UBE2E2: variants seen among roughly 807,000 people sequenced by gnomAD.
UBE2E2 encodes the protein ubiquitin conjugating enzyme E2 E2, also known as ubiquitin-conjugating enzyme E2 E2.
UBE2E2 carries 6 observed loss-of-function variants against 24.7 expected under a neutral mutation model. The observed-to-expected ratio is 0.24, with a 90% CI of 0.13 to 0.48. The LOEUF (loss-of-function observed/expected upper bound fraction) is 0.48. Ranked by LOEUF, UBE2E2 falls within the 20% of genes least tolerant of loss-of-function variation. The pLI is 0.99. For synonymous variants in UBE2E2, 104 were observed against 83.6 expected (o/e 1.24, Z -1.33); for missense variants, 169 against 245.0 (o/e 0.69, Z 2.07).
At chr3:23,308,671 G>A (rs982654378) in intron 3 of UBE2E2, among the ~76,000 whole-genome samples, 1 of 152,110 alleles carries the variant, frequency 6.6e-6, no homozygotes, top group Non-Finnish European at 1.5e-5. Context: ...GTATTAGTCA[G>A]GGTTCTCCAG....
intron 5 of UBE2E2, among the ~76,000 whole-genome samples, chr3:23,556,495 C>T (rs2036226): frequency 0.66 from 95,435 of 143,648 alleles, 33,314 homozygotes; most frequent in African/African-American, 0.89. Context: ...AAGATAGGGC[C>T]ACCTCAAAAG....
intron 3 of UBE2E2, among the ~76,000 whole-genome samples, chr3:23,265,160 A>G (rs1698011881): frequency 6.6e-6 from 1 of 152,238 alleles, no homozygotes. Flanking sequence ...CAGACTGATT[A>G]TATGCTATGA....
intron 3 of UBE2E2, among the ~76,000 whole-genome samples, chr3:23,420,547 A>G (rs752001958): frequency 5.3e-5 from 8 of 152,220 alleles, no homozygotes; most frequent in Non-Finnish European, 1.0e-4. Context: ...CTTCTAATTA[A>G]CAATGCTAGA....
Position 23,589,874 on chromosome 3 carries a change from T to G in UBE2E2, c.*43T>G. The G allele has an allele frequency of 6.3e-7, 1 of 1,593,758 alleles. No homozygotes were observed. ...CCCCGCGGGACCTGTGCAAGCACAT[T>G]CACCAAGTGCATCGGTAGCCCTGCC... On this transcript the variant is annotated 3_prime_UTR_variant, in exon 6 of 6. Coordinates refer to ENST00000396703, the MANE Select transcript of UBE2E2 (RefSeq NM_152653.4). This position sits in a 1 kb window ranked among gnomAD's most constrained non-coding sequence, Gnocchi z 4.1.
chr3:23,244,367 A>G (rs1383968301), intron 3 of UBE2E2, among the ~76,000 whole-genome samples: 1 of 152,084 alleles, frequency 6.6e-6, no homozygotes, highest in Admixed American at 6.5e-5. Context: ...TGTGCATTCC[A>G]TTTTGTAATA....
At chr3:23,316,494 T>C (rs768086943) in intron 3 of UBE2E2, among the ~76,000 whole-genome samples, 2 of 151,634 alleles carry the variant, frequency 1.3e-5, no homozygotes, top group Admixed American at 6.6e-5. Context: ...ACACTTGCAA[T>C]TCCCCCCGTA....
intron 3 of UBE2E2, among the ~76,000 whole-genome samples, chr3:23,391,935 T>G (rs755680156): frequency 3.3e-5 from 5 of 152,168 alleles, no homozygotes; most frequent in Non-Finnish European, 5.9e-5. Flanking sequence ...TATAAAGATA[T>G]TCCTCAGGAA....
chr3:23,221,334 T>C (rs1696632959), intron 3 of UBE2E2, among the ~76,000 whole-genome samples: 1 of 152,212 alleles, frequency 6.6e-6, no homozygotes, highest in South Asian at 2.1e-4. Flanking sequence ...AAAATTCACT[T>C]ATACTTTTAG....
At chr3:23,351,416 G>A (rs944995200) in intron 3 of UBE2E2, among the ~76,000 whole-genome samples, 2 of 152,214 alleles carry the variant, frequency 1.3e-5, no homozygotes, top group Non-Finnish European at 2.9e-5. Flanking sequence ...TGGACTGAAT[G>A]CTCCAATTAA....
At chr3:23,418,531 C>T (rs1268434280) in intron 3 of UBE2E2, among the ~76,000 whole-genome samples, 4 of 152,156 alleles carry the variant, frequency 2.6e-5, no homozygotes, top group African/African-American at 9.7e-5. Context: ...TTAGTAAAGA[C>T]GGGGTTTTAC....
intron 5 of UBE2E2, among the ~76,000 whole-genome samples, chr3:23,560,354 ATGGTT>A (rs1199471112): frequency 4.6e-5 from 7 of 151,890 alleles, no homozygotes; most frequent in Admixed American, 4.6e-4. Flanking sequence ...GCTCAGAATG[ATGGTT>A]TCCAGCTTCA....
chr3:23,522,763 T>C (rs983408344), intron 4 of UBE2E2, among the ~76,000 whole-genome samples: 1 of 152,242 alleles, frequency 6.6e-6, no homozygotes, highest in African/African-American at 2.4e-5. Context: ...TAAGGGATTA[T>C]TTTATTTTAT....
At chr3:23,568,684 C>CAT (rs1240337400) in intron 5 of UBE2E2, among the ~76,000 whole-genome samples, 2 of 105,406 alleles carry the variant, frequency 1.9e-5, no homozygotes, top group African/African-American at 8.2e-5. Flanking sequence ...TATATGTATA[C>CAT]ATATATACAC....
At chr3:23,417,015 G>A (rs1436441939) in intron 3 of UBE2E2, among the ~76,000 whole-genome samples, 3 of 152,058 alleles carry the variant, frequency 2.0e-5, no homozygotes, top group Non-Finnish European at 2.9e-5. Flanking sequence ...TAGCTCGGAG[G>A]AATTTGTTTT....
At chr3:23,267,349 G>T (rs1490370517) in intron 3 of UBE2E2, among the ~76,000 whole-genome samples, 1 of 152,046 alleles carries the variant, frequency 6.6e-6, no homozygotes, top group South Asian at 2.1e-4. Context: ...TCAAGTAGAC[G>T]CAATAAAAAA....
chr3:23,293,165 G>A (rs1460451669), intron 3 of UBE2E2, among the ~76,000 whole-genome samples: 1 of 152,190 alleles, frequency 6.6e-6, no homozygotes, highest in East Asian at 1.9e-4. Context: ...TAAGCACTCA[G>A]CTGCTTCATC....
At position 23,393,844 on chromosome 3, in the gene UBE2E2, C is replaced by T. The variant is rs182554411; in HGVS notation, c.228-105764C>T. Among the ~76,000 whole-genome samples the T allele has an allele frequency of 3.3e-5, 5 of 152,176 alleles. No homozygotes were observed. The East Asian group carries it at 9.7e-4, about 29-fold the overall frequency. ...GATATGAAATTCACATTTTAATATT[C>T]ATAAAGTTGTATCGGGACACATTTG... On this transcript the variant is annotated intron_variant, in intron 3 of 5. Transcript: ENST00000396703.
chr3:23,395,099 G>C (rs527732738), intron 3 of UBE2E2, among the ~76,000 whole-genome samples: 12 of 152,298 alleles, frequency 7.9e-5, no homozygotes, highest in African/African-American at 2.6e-4. Context: ...CTGAGACTTG[G>C]TCAGAAGGAG....
intron 5 of UBE2E2, among the ~76,000 whole-genome samples, chr3:23,571,280 CTTT>C (rs59243406): frequency 2.3e-3 from 69 of 29,880 alleles, no homozygotes; most frequent in African/African-American, 3.3e-3. Flanking sequence ...GTGCTCCTTT[CTTT>C]TTTTTTTTTT....
Sources: gnomAD v4.1 joint callset for allele counts (sites outside exome capture counted in the v4.1 genomes callset) on GRCh38, gnomAD v4.1.1 for gene constraint, Gnocchi (gnomAD v3.1) non-coding constraint, MANE v1.5 for transcripts, NCBI Gene and HGNC (gene_info 2026-07-23, HGNC 2026-07-21) for gene names.